SLK: variants seen among roughly 807,000 people sequenced by gnomAD.
The protein encoded by SLK is STE20-like serine/threonine-protein kinase.
SLK carries 67 observed loss-of-function variants against 147.7 expected under a neutral mutation model. The ratio of observed to expected loss-of-function variants is 0.45; its 90% CI spans 0.37 to 0.56. SLK has a LOEUF of 0.56. Among genes scored for constraint, SLK ranks in the 20% least tolerant of loss-of-function variants. SLK has a pLI of 0.00. For missense variants in SLK, 1,136 were observed against 1,438.8 expected, an observed-to-expected ratio of 0.79 and a Z score of 3.41; for synonymous variants, 441 against 475.0, an observed-to-expected ratio of 0.93 and a Z score of 0.93.
chr10:104,002,219 C>G lies in SLK; in HGVS notation c.1041C>G (p.Ser347Arg). 1 of 1,608,590 alleles carries G rather than the reference C, an allele frequency of 6.2e-7. No homozygotes were observed. Among genetic ancestry groups the G allele is most frequent in the East Asian group, 2.2e-5 (1 of 44,764 alleles). The change falls in exon 9 of 19, where the codon AGC (serine) becomes AGG (arginine). Residue 347 changes from serine (S) to arginine (R), a missense_variant. Physicochemically the swap from Ser to Arg is moderately radical, Grantham distance 110. Transcript: ENST00000369755. ...CATCTTCTGACCTTAGTATCGCCAG[C>G]TCTGAAGAAGATAAACTTTCACAAA... ...KRASSDLSIA[S>R]SEEDKLSQNA...
intron 1 of SLK, among the ~76,000 whole-genome samples, chr10:103,985,015 A>G (rs897236053): frequency 6.6e-6 from 1 of 152,140 alleles, no homozygotes; most frequent in Admixed American, 6.5e-5. Flanking sequence ...CCATGGTTTT[A>G]TTTACCTGCA....
At chr10:103,975,177 C>T (rs1026055992) in intron 1 of SLK, among the ~76,000 whole-genome samples, 2 of 150,704 alleles carry the variant, frequency 1.3e-5, no homozygotes, top group Non-Finnish European at 3.0e-5. Context: ...TCTATCTTTA[C>T]CCTAAGACCT....
intron 6 of SLK, 36 bp downstream of exon 6, chr10:103,999,349 A>G: frequency 1.4e-6 from 2 of 1,441,448 alleles, no homozygotes; most frequent in Non-Finnish European, 1.9e-6. Context: ...ATAAGAAACA[A>G]ATGATACTAG....
chr10:103,992,561 T>G (rs1844110916), intron 2 of SLK, 37 bp from the exon 3 acceptor site: 1 of 1,391,266 alleles, frequency 7.2e-7, no homozygotes, highest in African/African-American at 1.6e-5. Context: ...TCCATGTAGT[T>G]TTAGACACAC....
chr10:104,024,413 C>G (rs1844572194), intron 18 of SLK, among the ~76,000 whole-genome samples: 1 of 152,150 alleles, frequency 6.6e-6, no homozygotes, highest in East Asian at 1.9e-4. Flanking sequence ...GACTGTGAAG[C>G]CTTCATAGTG....
At chr10:103,978,376 G>A (rs1020637500) in intron 1 of SLK, among the ~76,000 whole-genome samples, 1 of 152,048 alleles carries the variant, frequency 6.6e-6, no homozygotes, top group African/African-American at 2.4e-5. Context: ...TATTTTGCCA[G>A]TGTCTCTATG....
Position 104,002,481 on chromosome 10 carries a change from G to T in SLK, c.1303G>T (p.Asp435Tyr). 6.2e-7 allele frequency: 1 copy of T among 1,613,700 alleles called. No individual in the cohort carries two copies. Among genetic ancestry groups the T allele is most frequent in the South Asian group, 1.1e-5 (1 of 91,052 alleles). ...EKRPKLENLPDTEDQETVDIN... is the reference protein window; with the variant it reads ...EKRPKLENLPYTEDQETVDIN... ...GAGGCCCAAGCTTGAAAATCTGCCT[G>T]ACACAGAAGACCAAGAAACTGTGGA... The change falls in exon 9 of 19, where the codon GAC (aspartate) becomes TAC (tyrosine). Residue 435 changes from aspartate (D) to tyrosine (Y), a missense_variant. Physicochemically the swap from Asp to Tyr is radical, Grantham distance 160 (BLOSUM62 -3). This residue lies in a region of SLK where 516 missense variants were observed against 531.3 expected (regional missense o/e 0.97). Transcript: ENST00000369755.
chr10:104,023,237 G>A (rs1313782282), intron 18 of SLK, among the ~76,000 whole-genome samples: 1 of 152,146 alleles, frequency 6.6e-6, no homozygotes, highest in Non-Finnish European at 1.5e-5. Context: ...CTGAAATGTA[G>A]ACATTTCTCA....
chr10:104,018,368 C>G, intron 14 of SLK, 79 bp downstream of exon 14: 3 of 1,314,146 alleles, frequency 2.3e-6, no homozygotes, highest in Non-Finnish European at 3.2e-6. Flanking sequence ...ACATATAACC[C>G]TTAAAATTTC....
At chr10:103,990,085 G>C (rs1844072374) in intron 1 of SLK, among the ~76,000 whole-genome samples, 1 of 152,116 alleles carries the variant, frequency 6.6e-6, no homozygotes, top group Non-Finnish European at 1.5e-5. Context: ...AAACAGAAAG[G>C]TCTATACATA....
At chr10:104,001,368 ATG>A (rs1844245681) in intron 7 of SLK, 74 bp from the exon 8 acceptor site, 1 of 1,166,324 alleles carries the variant, frequency 8.6e-7, no homozygotes, top group African/African-American at 1.5e-5. Flanking sequence ...CCACATAAGA[ATG>A]TGTGTTGTGT....
Position 103,967,647 on chromosome 10 carries a change from C to A in SLK, c.-99C>A. 1 of 1,131,884 alleles carries A rather than the reference C, an allele frequency of 8.8e-7. No homozygotes were observed. The highest frequency in any genetic ancestry group is 1.2e-6 in the Non-Finnish European group (1 of 857,864). The allele number at this position is 1,131,884 out of a possible 1,614,324, so 70.1% of individuals were successfully genotyped here. A position where few individuals can be genotyped will look rare whatever the true frequency, so the allele number is the denominator to read the frequency against. On this transcript the variant is annotated 5_prime_UTR_variant, in exon 1 of 19. Coordinates refer to ENST00000369755, the MANE Select transcript of SLK (RefSeq NM_014720.4). ...GGGGGCCGAGGGACGCCGCGCCCGC[C>A]GCCGCCAGCCGGGCTCGCGCGGGAG... is the stretch of plus-strand genomic sequence containing the variant.
At chr10:103,983,175 A>C (rs1843969120) in intron 1 of SLK, among the ~76,000 whole-genome samples, 1 of 152,204 alleles carries the variant, frequency 6.6e-6, no homozygotes, top group Non-Finnish European at 1.5e-5. Context: ...TGTTTGCTAA[A>C]TGATGATGAA....
chr10:104,024,483 A>C (rs1036790896), intron 18 of SLK, among the ~76,000 whole-genome samples: 1 of 152,168 alleles, frequency 6.6e-6, no homozygotes, highest in African/African-American at 2.4e-5. Context: ...CTTTGTTCCC[A>C]GTCCAGGTTC....
chr10:103,989,621 A>G (rs904882285), intron 1 of SLK, among the ~76,000 whole-genome samples: 1 of 151,670 alleles, frequency 6.6e-6, no homozygotes, highest in Non-Finnish European at 1.5e-5. Context: ...GGTGCCCGAC[A>G]CCACGCCTGG....
chr10:104,022,809 T>C (rs1028511497), intron 18 of SLK, among the ~76,000 whole-genome samples: 39 of 152,294 alleles, frequency 2.6e-4, no homozygotes, highest in African/African-American at 9.4e-4. Context: ...GGCTTCGCCA[T>C]GTTGGCCAGG....
intron 4 of SLK, among the ~76,000 whole-genome samples, chr10:103,996,707 T>C (rs1414072822): frequency 6.6e-6 from 1 of 152,170 alleles, no homozygotes; most frequent in African/African-American, 2.4e-5. Flanking sequence ...CTAATAAATA[T>C]TATGCTCGTA....
At chr10:103,990,619 AAAAATTAG>A in intron 1 of SLK, 48 bp from the exon 2 acceptor site, 2 of 1,041,540 alleles carry the variant, frequency 1.9e-6, no homozygotes, top group Non-Finnish European at 2.7e-6. Context: ...TAAAATAATA[AAAAATTAG>A]AAAATGATGC....
intron 4 of SLK, among the ~76,000 whole-genome samples, chr10:103,995,502 C>T (rs1844158988): frequency 6.8e-6 from 1 of 146,676 alleles, no homozygotes; most frequent in South Asian, 2.2e-4. Context: ...TCTCAGCTCA[C>T]TGCAACCCCC....
Sources: allele counts gnomAD v4.1 joint callset (sites outside exome capture counted in the v4.1 genomes callset), GRCh38; gene constraint gnomAD v4.1.1; regional missense constraint gnomAD v4.1.1; transcripts MANE v1.5; gene names NCBI Gene and HGNC (gene_info 2026-07-23, HGNC 2026-07-21).